HS2ST1: variants seen among roughly 807,000 people sequenced by gnomAD.
The protein encoded by HS2ST1 is 2-O-sulfotransferase.
Under a neutral mutation model 42.9 loss-of-function variants are expected in HS2ST1, and 18 were observed. The observed-to-expected ratio is 0.42, with a 90% confidence interval of 0.29 to 0.62. The LOEUF (loss-of-function observed/expected upper bound fraction) is 0.62, where lower values mean the gene tolerates loss of function less well. Ranked by LOEUF, HS2ST1 falls within the 20% of genes least tolerant of loss-of-function variation. The pLI is 0.21. For missense variants in HS2ST1, 334 were observed against 433.8 expected (o/e 0.77, Z 2.04); for synonymous variants, 146 against 152.9 (o/e 0.95, Z 0.33).
At position 87,103,530 on chromosome 1, in the gene HS2ST1, T is replaced by C. The variant is rs768786066; in HGVS notation, c.785T>C (p.Met262Thr). ...ACTGAAGAACTTGAAGATTTTATCA[T>C]GTTATTGGAGGCAGCATTGCCCCGG... ...GVTEELEDFIMLLEAALPRFF... is the reference protein window; with the variant it reads ...GVTEELEDFITLLEAALPRFF... The change falls in exon 6 of 7, where the codon ATG (methionine) becomes ACG (threonine). Residue 262 changes from methionine (M) to threonine (T), a missense_variant. Physicochemically the swap from Met to Thr is moderately conservative, Grantham distance 81. Transcript: ENST00000370550. 1.2e-5 allele frequency: 20 copies of C among 1,612,540 alleles called. No individual in the cohort carries two copies. The highest frequency in any genetic ancestry group is 1.7e-5 in the Non-Finnish European group (20 of 1,179,340).
intron 1 of HS2ST1, among the ~76,000 whole-genome samples, chr1:86,959,080 A>G (rs1284404446): frequency 1.3e-5 from 2 of 152,188 alleles, no homozygotes; most frequent in African/African-American, 4.8e-5. Context: ...GAATGGGGGA[A>G]AATTCCTCAA....
chr1:86,936,198 A>G (rs1255963832), intron 1 of HS2ST1, among the ~76,000 whole-genome samples: 1 of 152,014 alleles, frequency 6.6e-6, no homozygotes, highest in Non-Finnish European at 1.5e-5. Flanking sequence ...AGTTGCTTTC[A>G]TTGAATGTTT....
chr1:86,954,918 G>A (rs937371548), intron 1 of HS2ST1, among the ~76,000 whole-genome samples: 1 of 152,060 alleles, frequency 6.6e-6, no homozygotes, highest in African/African-American at 2.4e-5. Flanking sequence ...GCAACATAGT[G>A]AGACATCATC....
intron 1 of HS2ST1, among the ~76,000 whole-genome samples, chr1:87,032,571 CT>C (rs1332327939): frequency 6.6e-6 from 1 of 152,084 alleles, no homozygotes; most frequent in Admixed American, 6.6e-5. Context: ...AAATTATTTG[CT>C]TTAAAAAGTA....
At chr1:87,100,882 G>C (rs546890497) in intron 5 of HS2ST1, among the ~76,000 whole-genome samples, 1 of 152,220 alleles carries the variant, frequency 6.6e-6, no homozygotes, top group African/African-American at 2.4e-5. Context: ...GATCCAGCCT[G>C]GGTAACAGAG....
At chr1:86,968,385 G>A (rs1648123960) in intron 1 of HS2ST1, among the ~76,000 whole-genome samples, 3 of 151,550 alleles carry the variant, frequency 2.0e-5, no homozygotes, top group Admixed American at 2.0e-4. Flanking sequence ...TGAGTTTTGT[G>A]TGGTTTTGGC....
At chr1:87,005,686 C>G (rs746932754) in intron 1 of HS2ST1, among the ~76,000 whole-genome samples, 1 of 152,138 alleles carries the variant, frequency 6.6e-6, no homozygotes, top group African/African-American at 2.4e-5. Context: ...AAGAGATTCT[C>G]TTTTACTAGG....
chr1:86,991,313 G>C (rs912951898), intron 1 of HS2ST1, among the ~76,000 whole-genome samples: 1 of 152,250 alleles, frequency 6.6e-6, no homozygotes, highest in East Asian at 1.9e-4. Context: ...AAACATGATA[G>C]GTTCAGGGTG....
chr1:87,064,353 CT>C (rs1651194516), intron 1 of HS2ST1: 4 of 376,096 alleles, frequency 1.1e-5, no homozygotes, highest in Non-Finnish European at 1.6e-5. Context: ...CTACTGTCTT[CT>C]CTTTTAGAGT....
At chr1:86,921,477 G>T (rs908040241) in intron 1 of HS2ST1, among the ~76,000 whole-genome samples, 1 of 152,072 alleles carries the variant, frequency 6.6e-6, no homozygotes, top group African/African-American at 2.4e-5. Context: ...AAATTCACAT[G>T]TTGGAAACTT....
intron 1 of HS2ST1, among the ~76,000 whole-genome samples, chr1:86,935,478 T>TTTTTTTTTTTTTTTTTTTTTTTTTC (rs1199480343): frequency 6.9e-6 from 1 of 145,894 alleles, no homozygotes; most frequent in Admixed American, 6.8e-5. Context: ...TTTTTTTTTT[T>TTTTTTTTTTTTTTTTTTTTTTTTTC]TTGAGATAGA....
intron 1 of HS2ST1, among the ~76,000 whole-genome samples, chr1:87,040,118 A>G (rs1423330425): frequency 1.3e-5 from 2 of 152,260 alleles, no homozygotes; most frequent in East Asian, 1.9e-4. Context: ...TGGAAAGTTC[A>G]TAGGCAAATG....
chr1:86,992,362 C>CTT (rs564090660), intron 1 of HS2ST1, among the ~76,000 whole-genome samples: 9 of 146,300 alleles, frequency 6.2e-5, no homozygotes, highest in African/African-American at 1.0e-4. Flanking sequence ...TTTTCTCTTT[C>CTT]TTTTTTTTTT....
chr1:87,077,881 C>T (rs1651585023), intron 2 of HS2ST1, among the ~76,000 whole-genome samples: 3 of 152,150 alleles, frequency 2.0e-5, no homozygotes, highest in Non-Finnish European at 4.4e-5. Context: ...GAACCAGCCC[C>T]CTGCCCTACA....
In HS2ST1 at chr1:87,108,728, C is replaced by G. The variant is rs992824570; in HGVS notation, c.*4032C>G. ...TTGCAGTACTATTTATAAAATGGAC[C>G]CTGATGGTGATGAACTCTTTAGAAC... On this transcript the variant is annotated 3_prime_UTR_variant, in exon 7 of 7. Coordinates refer to ENST00000370550, the MANE Select transcript of HS2ST1 (RefSeq NM_012262.4). 5 of 151,952 alleles carry G rather than the reference C, an allele frequency of 3.3e-5. No individual in the cohort carries two copies. Among genetic ancestry groups the G allele is most frequent in the South Asian group, 2.1e-4 (1 of 4,812 alleles). The allele number at this position is 151,952 out of a possible 1,614,324, so 9.4% of individuals were successfully genotyped here.
chr1:87,083,229 A>C (rs2100643460), intron 2 of HS2ST1, among the ~76,000 whole-genome samples: 1 of 152,216 alleles, frequency 6.6e-6, no homozygotes, highest in South Asian at 2.1e-4. Context: ...CCATGTGACT[A>C]CCCCTATTCT....
intron 1 of HS2ST1, among the ~76,000 whole-genome samples, chr1:86,979,399 A>G (rs556141306): frequency 6.6e-6 from 1 of 152,196 alleles, no homozygotes; most frequent in Non-Finnish European, 1.5e-5. Context: ...CCACTGTTCT[A>G]TCTCTGTATG....
intron 1 of HS2ST1, among the ~76,000 whole-genome samples, chr1:86,967,814 C>T (rs1648091843): frequency 6.6e-6 from 1 of 152,162 alleles, no homozygotes; most frequent in Admixed American, 6.5e-5. Context: ...GGTAGATATC[C>T]AGTAGTGGGA....
At chr1:86,918,440 C>T (rs1049322191) in intron 1 of HS2ST1, among the ~76,000 whole-genome samples, 3 of 151,806 alleles carry the variant, frequency 2.0e-5, no homozygotes, top group Non-Finnish European at 2.9e-5. Flanking sequence ...ATTCTAGTAA[C>T]GGACATTCAG....
Sources: gnomAD v4.1 joint callset for allele counts (sites outside exome capture counted in the v4.1 genomes callset) on GRCh38, gnomAD v4.1.1 for gene constraint, MANE v1.5 for transcripts, NCBI Gene and HGNC (gene_info 2026-07-23, HGNC 2026-07-21) for gene names.